The following FAM124A variants were observed in gnomAD, a reference collection of about 807,000 sequenced individuals.
The protein encoded by FAM124A is protein FAM124A.
In FAM124A, 23 loss-of-function variants were observed where a neutral mutation model predicts 24.5. The observed-to-expected ratio is 0.94, with a 90% CI of 0.68 to 1.33. FAM124A has a LOEUF of 1.33. Among genes scored for constraint, FAM124A ranks in the 40% most tolerant of loss-of-function variants. The pLI is 0.00. For missense variants in FAM124A, 623 were observed against 722.8 expected, an observed-to-expected ratio of 0.86 and a Z score of 1.58; for synonymous variants, 287 against 314.7, an observed-to-expected ratio of 0.91 and a Z score of 0.93.
At position 51,265,992 on chromosome 13, in the gene FAM124A, C is replaced by A. The variant is rs139876321; in HGVS notation, c.834+13791C>A. Among the ~76,000 whole-genome samples, 14 of 152,290 alleles carry A rather than the reference C, an allele frequency of 9.2e-5. No individual in the cohort carries two copies. The East Asian group carries it at 2.7e-3, about 29-fold the overall frequency. ...AGATTATATTACATATATACTCATA[C>A]ATATATGTATACGTATATAGATAAT... On this transcript the variant is annotated intron_variant, in intron 3 of 3. Transcript: ENST00000322475.
chr13:51,234,602 C>T (rs1434159698), intron 2 of FAM124A, among the ~76,000 whole-genome samples: 4 of 152,086 alleles, frequency 2.6e-5, no homozygotes, highest in African/African-American at 7.2e-5. Context: ...AGGGCCCTTC[C>T]AGAAGCTCTA....
At chr13:51,263,878 C>T (rs1954760543) in intron 3 of FAM124A, among the ~76,000 whole-genome samples, 1 of 152,178 alleles carries the variant, frequency 6.6e-6, no homozygotes. Flanking sequence ...ATTAAGTGCT[C>T]AGCTTCCTGG....
chr13:51,269,393 A>G (rs1339575503), intron 3 of FAM124A, among the ~76,000 whole-genome samples: 3 of 152,354 alleles, frequency 2.0e-5, no homozygotes, highest in South Asian at 4.1e-4. Context: ...TGTGATTCCA[A>G]TGTAAAATGT....
intron 1 of FAM124A, 38 bp from the exon 2 acceptor site, chr13:51,231,310 A>G (rs1249373951): frequency 6.2e-7 from 1 of 1,612,916 alleles, no homozygotes; most frequent in South Asian, 1.1e-5. Flanking sequence ...AATCATTTGG[A>G]TAAAGAATTC....
chr13:51,275,891 G>A (rs115547099), intron 3 of FAM124A, among the ~76,000 whole-genome samples: 7 of 152,336 alleles, frequency 4.6e-5, no homozygotes, highest in African/African-American at 1.7e-4. Flanking sequence ...AGAAATGAGT[G>A]CATGTTGTTC....
At chr13:51,247,115 A>G (rs529451904) in intron 2 of FAM124A, among the ~76,000 whole-genome samples, 4 of 152,338 alleles carry the variant, frequency 2.6e-5, no homozygotes, top group Admixed American at 2.6e-4. Flanking sequence ...TGGGTGTCCA[A>G]GAAATGAAGC....
At chr13:51,240,756 A>G (rs1954481908) in intron 2 of FAM124A, among the ~76,000 whole-genome samples, 1 of 152,194 alleles carries the variant, frequency 6.6e-6, no homozygotes, top group African/African-American at 2.4e-5. Context: ...ATTTCTCTAT[A>G]ATTGAGCTGA....
At chr13:51,244,974 G>A (rs1221178138) in intron 2 of FAM124A, among the ~76,000 whole-genome samples, 2 of 152,200 alleles carry the variant, frequency 1.3e-5, no homozygotes, top group African/African-American at 2.4e-5. Context: ...CGTTCATCTG[G>A]GATAATACCC....
At chr13:51,254,093 G>A (rs1954652575) in intron 3 of FAM124A, among the ~76,000 whole-genome samples, 1 of 152,164 alleles carries the variant, frequency 6.6e-6, no homozygotes, top group African/African-American at 2.4e-5. Flanking sequence ...AATTAAGGTA[G>A]TTAGGTCTTG....
At chr13:51,242,452 C>T (rs1188441419) in intron 2 of FAM124A, among the ~76,000 whole-genome samples, 1 of 152,204 alleles carries the variant, frequency 6.6e-6, no homozygotes, top group East Asian at 1.9e-4. Context: ...GTCCCAGGGA[C>T]TTACACACGT....
chr13:51,276,387 C>T (rs761554683), intron 3 of FAM124A, among the ~76,000 whole-genome samples: 3 of 152,166 alleles, frequency 2.0e-5, no homozygotes, highest in Non-Finnish European at 4.4e-5. Context: ...TTCCAGAAAG[C>T]CTTACACTTC....
chr13:51,236,434 C>G (rs1003182624), intron 2 of FAM124A, among the ~76,000 whole-genome samples: 1 of 152,260 alleles, frequency 6.6e-6, no homozygotes, highest in Non-Finnish European at 1.5e-5. Flanking sequence ...GATACTGATG[C>G]AATAAATGTT....
At chr13:51,273,207 G>A (rs1451279293) in intron 3 of FAM124A, among the ~76,000 whole-genome samples, 2 of 152,038 alleles carry the variant, frequency 1.3e-5, no homozygotes, top group African/African-American at 4.8e-5. Flanking sequence ...CTCCACCAGG[G>A]GACATTTGGC....
intron 1 of FAM124A, among the ~76,000 whole-genome samples, chr13:51,222,872 C>G (rs749922014): frequency 4.6e-5 from 7 of 152,218 alleles, no homozygotes; most frequent in Non-Finnish European, 8.8e-5. Flanking sequence ...AGGAGATGCT[C>G]TTGCACTTGT....
At chr13:51,231,224 C>A in intron 1 of FAM124A, 124 bp from the exon 2 acceptor site, 1 of 1,012,328 alleles carries the variant, frequency 9.9e-7, no homozygotes, top group Non-Finnish European at 1.6e-6. Flanking sequence ...CTTAGCACTG[C>A]AGTTTTTAAT....
intron 3 of FAM124A, among the ~76,000 whole-genome samples, chr13:51,259,296 C>A (rs1282518975): frequency 1.3e-5 from 2 of 152,100 alleles, no homozygotes; most frequent in Non-Finnish European, 2.9e-5. Context: ...CAAATCAGAT[C>A]ATGTGACTCC....
chr13:51,279,106 G>GA (rs895324074), intron 3 of FAM124A, among the ~76,000 whole-genome samples: 11 of 152,104 alleles, frequency 7.2e-5, no homozygotes, highest in African/African-American at 2.7e-4. Flanking sequence ...TTGGCCTTTG[G>GA]AAAAAATAAG....
In FAM124A at chr13:51,272,987, T is replaced by C. The variant is rs1218287580; in HGVS notation, c.835-7463T>C. Reference sequence around the variant, plus strand: ...TTGGATAAGGGTAAAACCTCTTTTTTTCCCCCATTATAAGCTTTGTAGAAC... The same window carrying C: ...TTGGATAAGGGTAAAACCTCTTTTTCTCCCCCATTATAAGCTTTGTAGAAC... On this transcript the variant is annotated intron_variant, in intron 3 of 3. Transcript: ENST00000322475. The surrounding 1 kb of genome is among the most constrained non-coding windows in gnomAD (Gnocchi z 4.2). Among the ~76,000 whole-genome samples the C allele has an allele frequency of 6.6e-6, 1 of 152,254 alleles. No individual in the cohort carries two copies. Among genetic ancestry groups the C allele is most frequent in the Non-Finnish European group, 1.5e-5 (1 of 68,034 alleles).
At chr13:51,247,410 A>T (rs1442788843) in intron 2 of FAM124A, among the ~76,000 whole-genome samples, 3 of 152,258 alleles carry the variant, frequency 2.0e-5, no homozygotes, top group Non-Finnish European at 4.4e-5. Context: ...GGGGACAATC[A>T]TAGCACCTCC....
Sources: allele counts gnomAD v4.1 joint callset (sites outside exome capture counted in the v4.1 genomes callset), GRCh38; gene constraint gnomAD v4.1.1; non-coding constraint Gnocchi (gnomAD v3.1); transcripts MANE v1.5; gene names NCBI Gene and HGNC (gene_info 2026-07-23, HGNC 2026-07-21).